The following MACF1 variants were observed in gnomAD, a reference collection of about 807,000 sequenced individuals.
MACF1 encodes the protein microtubule actin crosslinking factor 1.
A neutral mutation model predicts 854.8 loss-of-function variants in MACF1; 193 were observed. That is an observed-to-expected ratio of 0.23 (90% CI 0.20 to 0.25). The LOEUF (loss-of-function observed/expected upper bound fraction) is 0.25. Ranked by LOEUF, MACF1 falls within the 10% of genes least tolerant of loss-of-function variation. The pLI, the probability that MACF1 is intolerant of heterozygous loss-of-function variation, is 1.00. For missense variants in MACF1, 7,722 were observed against 8,929.1 expected, an observed-to-expected ratio of 0.86 and a Z score of 5.45; for synonymous variants, 3,185 against 3,226.7, an observed-to-expected ratio of 0.99 and a Z score of 0.44.
Position 39,186,681 on chromosome 1 carries a change from C to T in MACF1, c.221-44501C>T, listed in dbSNP as rs202115597. On this transcript the variant is annotated intron_variant, in intron 2 of 93. Transcript: ENST00000361689. Reference sequence around the variant, plus strand: ...GGAGTGCAGTGGTGTGATCATGGCTCACTGCACCCTTGAACTCCTGGGCTC... The same window carrying T: ...GGAGTGCAGTGGTGTGATCATGGCTTACTGCACCCTTGAACTCCTGGGCTC... Among the ~76,000 whole-genome samples, 9 of 152,140 alleles carry T rather than the reference C, an allele frequency of 5.9e-5. No homozygotes were observed. The East Asian group carries it at 1.4e-3, about 23-fold the overall frequency.
In MACF1 at chr1:39,350,793, G is replaced by C. The variant is rs1298278538; in HGVS notation, c.10974G>C (p.Gln3658His). 6.2e-7 allele frequency: 1 copy of C among 1,613,274 alleles called. No homozygotes were observed. Among genetic ancestry groups the C allele is most frequent in the Admixed American group, 1.7e-5 (1 of 60,014 alleles). The change falls in exon 43 of 101, where the codon CAG becomes CAC. Residue 3658 changes from glutamine (Q) to histidine (H), a missense_variant. By Grantham distance (24) the Gln-to-His change is conservative (BLOSUM62 0). Around this residue, in one of 15 missense-constraint regions of MACF1, gnomAD observed 2,807 missense variants for 3,235.8 expected, o/e 0.87. Coordinates refer to ENST00000564288, the MANE Select transcript of MACF1 (RefSeq NM_001394062.1). ...QKNQSDLKDL[Q>H]DDIQNRATSF... ...TATTTTCTTGTGTTAAGGATTTACA[G>C]GATGACATTCAGAATCGTGCCACCT...
rs80235954 is a variant in MACF1, at chr1:39,335,027, A to T, written c.8439A>T (p.Arg2813Ser). 4.3e-3 allele frequency: 6,906 copies of T among 1,614,060 alleles called. 23 individuals carry two copies. Among genetic ancestry groups the T allele is most frequent in the Non-Finnish European group, 5.5e-3 (6,468 of 1,179,982 alleles). Residue 2813 changes from arginine (R) to serine (S), a missense_variant, in exon 37 of 101, where the codon AGA becomes AGT. Arg to Ser is a moderately radical substitution (Grantham distance 110, BLOSUM62 -1). Around this residue, in one of 15 missense-constraint regions of MACF1, gnomAD observed 1,531 missense variants for 1,601.6 expected, o/e 0.96. Transcript: ENST00000564288. ...MSCNKVEESE[R>S]LFQVENQSAQ... is the part of the protein sequence containing the mutation. The stretch of plus-strand genomic sequence containing the variant: ...GTAATAAAGTAGAAGAGAGTGAGAG[A>T]TTATTTCAAGTTGAAAATCAGTCTG...
intron 2 of MACF1, among the ~76,000 whole-genome samples, chr1:39,087,115 G>C (rs142356436): frequency 7.7e-4 from 117 of 152,360 alleles, no homozygotes; most frequent in Non-Finnish European, 1.4e-3. Flanking sequence ...TCCTTCACAG[G>C]AGGTGCAGGG....
intron 15 of MACF1, 153 bp downstream of exon 15, chr1:39,287,715 C>A: frequency 1.2e-6 from 1 of 861,606 alleles, no homozygotes; most frequent in Non-Finnish European, 1.8e-6. Context: ...CTATGTTGCC[C>A]AGGCTGGACT....
chr1:39,098,871 G>A (rs926722880), intron 2 of MACF1, among the ~76,000 whole-genome samples: 70 of 152,332 alleles, frequency 4.6e-4, no homozygotes, highest in African/African-American at 1.7e-3. Flanking sequence ...TTACCCCAGA[G>A]CGGATTTGGG....
chr1:39,194,692 C>T (rs569614934), intron 2 of MACF1, among the ~76,000 whole-genome samples: 1 of 147,722 alleles, frequency 6.8e-6, no homozygotes, highest in Admixed American at 6.8e-5. Context: ...CCCTCCCCTC[C>T]CCTCCCCTCC....
At chr1:39,280,856 G>T (rs1024405886) in intron 6 of MACF1, among the ~76,000 whole-genome samples, 4 of 152,210 alleles carry the variant, frequency 2.6e-5, no homozygotes, top group African/African-American at 7.2e-5. Context: ...GGGATTACAG[G>T]CGTGAGCCAC....
At chr1:39,478,561 A>G (rs545558106) in intron 97 of MACF1, among the ~76,000 whole-genome samples, 1 of 152,300 alleles carries the variant, frequency 6.6e-6, no homozygotes, top group Admixed American at 6.5e-5. Flanking sequence ...ATACTTTGAT[A>G]TGTTCTGTCA....
chr1:39,472,865 T>C (rs1644803452), intron 97 of MACF1, among the ~76,000 whole-genome samples: 1 of 152,218 alleles, frequency 6.6e-6, no homozygotes, highest in African/African-American at 2.4e-5. Context: ...TATTTTTCAC[T>C]TGAGTTTAGA....
At chr1:39,302,186 T>G (rs1646060720) in intron 22 of MACF1, among the ~76,000 whole-genome samples, 1 of 152,096 alleles carries the variant, frequency 6.6e-6, no homozygotes, top group South Asian at 2.1e-4. Context: ...TTTGTAGAGA[T>G]GAGGTTTTAC....
chr1:39,397,854 A>G (rs1289799418), intron 58 of MACF1, among the ~76,000 whole-genome samples: 3 of 152,216 alleles, frequency 2.0e-5, no homozygotes, highest in Admixed American at 2.0e-4. Flanking sequence ...ATAGTAAGGG[A>G]AACAGATACA....
chr1:39,109,609 T>G (rs1642342105), intron 2 of MACF1, among the ~76,000 whole-genome samples: 1 of 152,098 alleles, frequency 6.6e-6, no homozygotes, highest in South Asian at 2.1e-4. Flanking sequence ...CTCCTTTTTT[T>G]TTTTTCTATC....
At chr1:39,485,385 T>G in intron 100 of MACF1, 153 bp from the exon 101 acceptor site, 10 of 870,352 alleles carry the variant, frequency 1.1e-5, no homozygotes, top group Non-Finnish European at 1.7e-5. Flanking sequence ...AGAAAAGGCT[T>G]CAGCAACTTC....
rs376177915 is a variant in MACF1 at position 39,192,760 on chromosome 1, G to A, written c.221-38422G>A. Among the ~76,000 whole-genome samples the A allele has an allele frequency of 2.0e-5, 3 of 152,186 alleles. No homozygotes were observed. In the East Asian group the frequency reaches 5.8e-4, roughly 29 times the overall value. On this transcript the variant is annotated intron_variant, in intron 2 of 93. Transcript: ENST00000361689. ...ATGAGCTGGATTCCTTGTCTATTGTGACATCTTTGTATATTCAGTACTATG... is the reference window on the plus strand; with the variant it reads ...ATGAGCTGGATTCCTTGTCTATTGTAACATCTTTGTATATTCAGTACTATG...
intron 58 of MACF1, among the ~76,000 whole-genome samples, chr1:39,402,781 T>C (rs1215564863): frequency 6.6e-6 from 1 of 152,160 alleles, no homozygotes; most frequent in East Asian, 1.9e-4. Context: ...TGCCTCACTA[T>C]TCCCCTCTTT....
At chr1:39,393,162 G>C (rs1642102005) in intron 58 of MACF1, among the ~76,000 whole-genome samples, 1 of 134,108 alleles carries the variant, frequency 7.5e-6, no homozygotes, top group South Asian at 2.3e-4. Context: ...TTCCCCTAGA[G>C]TGACCTTCCT....
chr1:39,379,466 C>A, intron 54 of MACF1, 22 bp downstream of exon 54: 1 of 1,591,848 alleles, frequency 6.3e-7, no homozygotes, highest in South Asian at 1.2e-5. Flanking sequence ...ACATTAGTTG[C>A]CTCCCAACAC....
intron 2 of MACF1, among the ~76,000 whole-genome samples, chr1:39,191,188 A>ATTCT (rs1006087960): frequency 7.6e-6 from 1 of 130,990 alleles, no homozygotes; most frequent in Non-Finnish European, 1.6e-5. Flanking sequence ...ATTTGGGGTG[A>ATTCT]TTCTTTCTTT....
Position 39,451,444 on chromosome 1 carries a change from G to T in MACF1, c.20418+233G>T, listed in dbSNP as rs75733814. Among the ~76,000 whole-genome samples the T allele has an allele frequency of 6.6e-3, 997 of 152,176 alleles. 14 individuals carry two copies. The highest frequency in any genetic ancestry group is 0.022 in the African/African-American group (914 of 41,502). On this transcript the variant is annotated intron_variant, in intron 85 of 100. Transcript: ENST00000564288. ...TGTGTAAACTTCACTTCAAGGTTGCGCCTCTTCCTGTTTGTTTCTCTCAGT... is the reference window on the plus strand; with the variant it reads ...TGTGTAAACTTCACTTCAAGGTTGCTCCTCTTCCTGTTTGTTTCTCTCAGT...
Sources: allele counts gnomAD v4.1 joint callset (sites outside exome capture counted in the v4.1 genomes callset), GRCh38; gene constraint gnomAD v4.1.1; regional missense constraint gnomAD v4.1.1; transcripts MANE v1.5; gene names NCBI Gene and HGNC (gene_info 2026-07-23, HGNC 2026-07-21).